PTPN9: variants seen among roughly 807,000 people sequenced by gnomAD.
The protein encoded by PTPN9 is protein tyrosine phosphatase non-receptor type 9.
Under a neutral mutation model 69.8 loss-of-function variants are expected in PTPN9, and 26 were observed. That is an observed-to-expected ratio of 0.37 (90% CI 0.27 to 0.52). The LOEUF (loss-of-function observed/expected upper bound fraction) is 0.52, where lower values mean the gene tolerates loss of function less well. Among genes scored for constraint, PTPN9 ranks in the 20% least tolerant of loss-of-function variants. The pLI, the probability that PTPN9 is intolerant of heterozygous loss-of-function variation, is 0.91. For synonymous variants in PTPN9, 274 were observed against 272.5 expected (o/e 1.01, Z -0.05); for missense variants, 549 against 740.3 (o/e 0.74, Z 3.00).
chr15:75,494,629 A>G (rs1038444559), intron 7 of PTPN9, among the ~76,000 whole-genome samples: 1 of 151,952 alleles, frequency 6.6e-6, no homozygotes, highest in Admixed American at 6.6e-5. Context: ...CTGGGGTTAC[A>G]GGCTTGAGCC....
intron 6 of PTPN9, among the ~76,000 whole-genome samples, chr15:75,507,679 A>G (rs2074826729): frequency 6.6e-6 from 1 of 152,084 alleles, no homozygotes; most frequent in African/African-American, 2.4e-5. Flanking sequence ...AGGCAGGAGA[A>G]TGGTTTGAAC....
intron 1 of PTPN9, among the ~76,000 whole-genome samples, chr15:75,543,968 C>A (rs1008470800): frequency 7.2e-5 from 11 of 152,116 alleles, no homozygotes; most frequent in African/African-American, 2.4e-4. Context: ...GAGGAGTGTG[C>A]CACTCTCACT....
chr15:75,560,041 G>A (rs926823063), intron 1 of PTPN9, among the ~76,000 whole-genome samples: 4 of 151,718 alleles, frequency 2.6e-5, no homozygotes, highest in Admixed American at 6.6e-5. Flanking sequence ...TCAGGAGGCT[G>A]AGGCAGGAGA....
chr15:75,570,663 G>A (rs540977677), intron 1 of PTPN9, among the ~76,000 whole-genome samples: 41 of 152,086 alleles, frequency 2.7e-4, no homozygotes, highest in African/African-American at 9.4e-4. Context: ...AGGAACCCGG[G>A]AGGCGAGGTG....
intron 1 of PTPN9, among the ~76,000 whole-genome samples, chr15:75,530,318 C>T (rs2074949533): frequency 7.2e-6 from 1 of 139,334 alleles, no homozygotes; most frequent in Non-Finnish European, 1.5e-5. Flanking sequence ...AGGAAGATCA[C>T]TTGAGGCCAA....
chr15:75,570,402 G>A (rs1429795368), intron 1 of PTPN9: 1 of 152,106 alleles, frequency 6.6e-6, no homozygotes, highest in African/African-American at 2.4e-5. Context: ...CCTTGCCTTT[G>A]GGAAAAATGC....
intron 12 of PTPN9, 24 bp from the exon 13 acceptor site, chr15:75,469,007 C>T: frequency 6.3e-7 from 1 of 1,580,758 alleles, no homozygotes; most frequent in Non-Finnish European, 8.7e-7. Context: ...GAAGTGATCA[C>T]ATCTGGTTTA....
intron 7 of PTPN9, among the ~76,000 whole-genome samples, chr15:75,490,681 G>A (rs1036225718): frequency 6.6e-6 from 1 of 152,190 alleles, no homozygotes; most frequent in Middle Eastern, 3.4e-3. Flanking sequence ...CTGGAGTGCA[G>A]TAGCGTGATC....
chr15:75,579,200 C>T lies in PTPN9; in HGVS notation c.-424G>A, dbSNP rs541059960. 1 of 152,342 alleles carries T rather than the reference C, an allele frequency of 6.6e-6. No homozygotes were observed. The highest frequency in any genetic ancestry group is 1.5e-5 in the Non-Finnish European group (1 of 68,136). 9.4% of individuals were successfully genotyped at this position (152,342 alleles called of 1,614,324 possible). A position where few individuals can be genotyped will look rare whatever the true frequency, so the allele number is the denominator to read the frequency against. ...CGCTTCCTCGGCCGCGCTCCCGCTCCTCCACAGCGCCACAGAGCTCGGGGC... is the reference window on the plus strand; with the variant it reads ...CGCTTCCTCGGCCGCGCTCCCGCTCTTCCACAGCGCCACAGAGCTCGGGGC... On this transcript the variant is annotated 5_prime_UTR_variant, in exon 1 of 13. Coordinates refer to ENST00000618819, the MANE Select transcript of PTPN9 (RefSeq NM_002833.4).
At position 75,503,249 on chromosome 15, in the gene PTPN9, G is replaced by A. The variant is rs1212158794; in HGVS notation, c.968+2426C>T. On this transcript the variant is annotated intron_variant, in intron 7 of 12. Transcript: ENST00000618819. ...AAGTGAGGAGCATCTCTGCCCGGCC[G>A]CCCATCGTCTGAGATGTGGGGAGCG... is the stretch of plus-strand genomic sequence containing the variant. Among the ~76,000 whole-genome samples, 4 of 148,664 alleles carry A rather than the reference G, an allele frequency of 2.7e-5. No individual in the cohort carries two copies. The South Asian group carries it at 6.5e-4, about 24-fold the overall frequency.
intron 4 of PTPN9, 82 bp downstream of exon 4, chr15:75,523,039 G>C: frequency 6.7e-7 from 1 of 1,503,166 alleles, no homozygotes; most frequent in Non-Finnish European, 9.1e-7. Flanking sequence ...AATGGCGAAG[G>C]CACTGCTGAA....
In PTPN9 at chr15:75,468,656, C is replaced by A. The variant is rs1305489513; in HGVS notation, c.*113G>T. ...GCGTGCACACGTGTGCTGGGAGACA[C>A]AAGAAAGAAGTTGATCCATGGCTTC... On this transcript the variant is annotated 3_prime_UTR_variant, in exon 13 of 13. Coordinates refer to ENST00000618819, the MANE Select transcript of PTPN9 (RefSeq NM_002833.4). 7.5e-6 allele frequency: 7 copies of A among 934,122 alleles called. No individual in the cohort carries two copies. The South Asian group carries it at 9.3e-5, about 12-fold the overall frequency. The allele number at this position is 934,122 out of a possible 1,614,324, so 57.9% of individuals were successfully genotyped here.
rs1408360761 is a variant in PTPN9 at position 75,515,754 on chromosome 15, C to T, written c.528+1505G>A. Among the ~76,000 whole-genome samples, 10 of 152,028 alleles carry T rather than the reference C, an allele frequency of 6.6e-5. No individual in the cohort carries two copies. In the East Asian group the frequency reaches 1.7e-3, roughly 27 times the overall value. On this transcript the variant is annotated intron_variant, in intron 5 of 12. Transcript: ENST00000618819. ...CTCTACCAAAAGTACAAAAATTGGC[C>T]GGGCGGGGTGGCAGGCGCCTATAAT... is the stretch of plus-strand genomic sequence containing the variant.
intron 7 of PTPN9, among the ~76,000 whole-genome samples, chr15:75,500,930 A>G (rs190340278): frequency 7.9e-5 from 12 of 152,080 alleles, no homozygotes; most frequent in African/African-American, 2.9e-4. Flanking sequence ...AATAAGTAAA[A>G]TGAAATAAAA....
At chr15:75,530,717 A>AAT (rs1190146251) in intron 1 of PTPN9, among the ~76,000 whole-genome samples, 1 of 29,596 alleles carries the variant, frequency 3.4e-5, no homozygotes, top group Admixed American at 5.6e-4. Context: ...ATTATTATAT[A>AAT]ATATATATAA....
In PTPN9 at chr15:75,470,688, T is replaced by G. The variant is rs1292215154; in HGVS notation, c.1351A>C (p.Asn451His). Residue 451 changes from asparagine to histidine, a missense_variant, in exon 11 of 13, where the codon AAC (asparagine) becomes CAC (histidine). By Grantham distance (68) the Asn-to-His change is moderately conservative. Around this residue, in one of 3 missense-constraint regions of PTPN9, gnomAD observed 457 missense variants for 661.9 expected, o/e 0.69. Coordinates refer to ENST00000618819, the MANE Select transcript of PTPN9 (RefSeq NM_002833.4). ...HYKKTTLEIH[N>H]TEERQKRQVT... ...AAGAAACCTGGATTTACCTCTGTGT[T>G]GTGAATTTCTAGCGTTGTTTTCTTA... 1 of 1,614,136 alleles carries G rather than the reference T, an allele frequency of 6.2e-7. No individual in the cohort carries two copies. The highest frequency in any genetic ancestry group is 1.7e-5 in the Admixed American group (1 of 60,000).
chr15:75,545,757 T>C (rs2141332575), intron 1 of PTPN9, among the ~76,000 whole-genome samples: 1 of 152,322 alleles, frequency 6.6e-6, no homozygotes, highest in East Asian at 1.9e-4. Context: ...GACAACAGCC[T>C]GGCCAACATG....
chr15:75,492,026 C>T (rs1363238751), intron 7 of PTPN9, among the ~76,000 whole-genome samples: 2 of 152,108 alleles, frequency 1.3e-5, no homozygotes, highest in South Asian at 2.1e-4. Context: ...ATGCACACCA[C>T]CACGCCCAGC....
At chr15:75,498,121 T>C (rs557257239) in intron 7 of PTPN9, among the ~76,000 whole-genome samples, 3 of 147,918 alleles carry the variant, frequency 2.0e-5, no homozygotes, top group African/African-American at 5.0e-5. Context: ...CTTGAACCCA[T>C]GAGGCGGAGG....
Sources: allele counts gnomAD v4.1 joint callset (sites outside exome capture counted in the v4.1 genomes callset), GRCh38; gene constraint gnomAD v4.1.1; regional missense constraint gnomAD v4.1.1; transcripts MANE v1.5; gene names NCBI Gene and HGNC (gene_info 2026-07-23, HGNC 2026-07-21).